Variants in LIPA observed in about 807,000 individuals in gnomAD.
LIPA encodes the protein lipase A, lysosomal acid type.
Under a neutral mutation model 40.6 loss-of-function variants are expected in LIPA, and 26 were observed. The ratio of observed to expected loss-of-function variants is 0.64; its 90% CI spans 0.47 to 0.89. The LOEUF (loss-of-function observed/expected upper bound fraction) is 0.89. Among genes scored for constraint, LIPA ranks in the 40% least tolerant of loss-of-function variants. The pLI is 0.00. For missense variants in LIPA, 455 were observed against 479.6 expected (o/e 0.95, Z 0.48); for synonymous variants, 188 against 168.4 (o/e 1.12, Z -0.90).
At chr10:89,295,763 C>T (rs1013752792) in intron 1 of LIPA, among the ~76,000 whole-genome samples, 12 of 152,144 alleles carry the variant, frequency 7.9e-5, no homozygotes, top group South Asian at 2.1e-4. Context: ...TTTGTAGCAA[C>T]GAGGTTAGGC....
rs562452752 is a variant in LIPA at position 89,289,818 on chromosome 10, A to G, written c.-1-42169T>C. On this transcript the variant is annotated intron_variant, in intron 1 of 5. Coordinates refer to the LIPA transcript ENST00000282673. The stretch of plus-strand genomic sequence containing the variant: ...ATTCTTTACTTTTACACTTACTCTT[A>G]TTCTCGTTCCCATTCTTAGGCCACC... Among the ~76,000 whole-genome samples, 82 of 152,166 alleles carry G rather than the reference A, an allele frequency of 5.4e-4. 2 individuals carry two copies. The highest frequency in any genetic ancestry group is 2.9e-5 in the Non-Finnish European group (2 of 67,998).
At chr10:89,378,738 C>A (rs975653542) in intron 2 of LIPA, among the ~76,000 whole-genome samples, 1 of 152,130 alleles carries the variant, frequency 6.6e-6, no homozygotes, top group African/African-American at 2.4e-5. Context: ...TTCAGAGGGG[C>A]AAGATGAGAA....
chr10:89,365,798 C>T (rs1183952133), intron 2 of LIPA, among the ~76,000 whole-genome samples: 1 of 152,110 alleles, frequency 6.6e-6, no homozygotes, highest in Non-Finnish European at 1.5e-5. Context: ...CTGTTCTGTT[C>T]CATTGGTGTA....
intron 1 of LIPA, among the ~76,000 whole-genome samples, chr10:89,297,569 G>A (rs1321982298): frequency 1.3e-5 from 2 of 152,126 alleles, no homozygotes; most frequent in Non-Finnish European, 2.9e-5. Flanking sequence ...TACTCCCCAG[G>A]GAAAGAATGG....
chr10:89,373,373 A>G (rs1458135908), intron 2 of LIPA, among the ~76,000 whole-genome samples: 6 of 148,428 alleles, frequency 4.0e-5, no homozygotes, highest in African/African-American at 1.5e-4. Flanking sequence ...AACACGTGGG[A>G]GTCAGCCAGA....
exon 2 of LIPA, chr10:89,412,850 A>G: frequency 2.8e-6 from 1 of 361,436 alleles, no homozygotes; most frequent in Non-Finnish European, 5.5e-6. Context: ...CAGACACGCC[A>G]TCTTTAACAA....
chr10:89,343,616 C>T (rs937630223), upstream of LIPA, among the ~76,000 whole-genome samples: 2 of 152,106 alleles, frequency 1.3e-5, no homozygotes, highest in East Asian at 1.9e-4. Flanking sequence ...CTCAGCACAC[C>T]GAGGCGCTAT....
chr10:89,386,973 GA>G (rs1844214781), intron 2 of LIPA, among the ~76,000 whole-genome samples: 2 of 49,574 alleles, frequency 4.0e-5, no homozygotes, highest in South Asian at 1.3e-3. Context: ...GTGTGTGTGT[GA>G]GAGAGAGAGA....
chr10:89,231,355 C>T (rs1842839850), intron 3 of LIPA, among the ~76,000 whole-genome samples: 1 of 152,180 alleles, frequency 6.6e-6, no homozygotes, highest in Admixed American at 6.5e-5. Context: ...CTCCGGAAGG[C>T]ACTGCTCACA....
chr10:89,306,645 G>A (rs772185964), intron 1 of LIPA: 3 of 1,614,126 alleles, frequency 1.9e-6, no homozygotes, highest in Non-Finnish European at 2.5e-6. Flanking sequence ...GAAGAGGAAG[G>A]TGAAGGAGAG....
At chr10:89,360,125 T>C (rs1844013495) in intron 2 of LIPA, among the ~76,000 whole-genome samples, 1 of 152,182 alleles carries the variant, frequency 6.6e-6, no homozygotes, top group African/African-American at 2.4e-5. Flanking sequence ...TCATAAAACA[T>C]ATGAGAATGA....
chr10:89,300,709 G>A lies in LIPA; in HGVS notation c.-2+41902C>T, dbSNP rs370884710. Among the ~76,000 whole-genome samples the A allele has an allele frequency of 7.2e-5, 11 of 152,262 alleles. No homozygotes were observed. The South Asian group carries it at 1.5e-3, about 20-fold the overall frequency. ...GCCAACATTGAAATTTCCCCTGGCC[G>A]GGCGTGGTGGCTCACGCCTGTAATC... is the stretch of plus-strand genomic sequence containing the variant. On this transcript the variant is annotated intron_variant, in intron 1 of 5. Transcript: ENST00000282673.
intron 1 of LIPA, among the ~76,000 whole-genome samples, chr10:89,331,764 T>C (rs1843654081): frequency 1.4e-5 from 2 of 143,652 alleles, no homozygotes; most frequent in Admixed American, 7.4e-5. Flanking sequence ...GAGGCTGAGA[T>C]GGGAGGATCG....
Position 89,225,226 on chromosome 10 carries a change from A to C in LIPA, c.541T>G (p.Phe181Val). 6.2e-7 allele frequency: 1 copy of C among 1,614,142 alleles called. No homozygotes were observed. Among genetic ancestry groups the C allele is most frequent in the Non-Finnish European group, 8.5e-7 (1 of 1,179,998 alleles). ...VGHSQGTTIG[F>V]IAFSQIPELA... ...TCAGGGATCTGTGAAAATGCTATAAAACCTGTGAGAACAAAGGACAGAAAA... is the reference window on the plus strand; with the variant it reads ...TCAGGGATCTGTGAAAATGCTATAACACCTGTGAGAACAAAGGACAGAAAA... The change falls in exon 6 of 10, where the codon TTT (phenylalanine) becomes GTT (valine). Residue 181 changes from phenylalanine (F) to valine (V), a missense_variant and splice_region_variant. By Grantham distance (50) the Phe-to-Val change is conservative (BLOSUM62 -1). Transcript: ENST00000336233.
chr10:89,286,318 C>T (rs1843340741), intron 1 of LIPA, among the ~76,000 whole-genome samples: 1 of 152,026 alleles, frequency 6.6e-6, no homozygotes, highest in African/African-American at 2.4e-5. Context: ...ACCCATCTGA[C>T]CTCTCCCCTC....
At chr10:89,249,532 T>C (rs1843083968) in intron 1 of LIPA, among the ~76,000 whole-genome samples, 3 of 152,106 alleles carry the variant, frequency 2.0e-5, no homozygotes, top group Admixed American at 2.0e-4. Context: ...ATTGGATAAA[T>C]TATGGTATAT....
chr10:89,294,377 G>A (rs1297324810), intron 1 of LIPA, among the ~76,000 whole-genome samples: 3 of 152,202 alleles, frequency 2.0e-5, no homozygotes, highest in Non-Finnish European at 4.4e-5. Context: ...GAAAGTCCAA[G>A]ATCAAGGGGC....
chr10:89,306,763 G>T, intron 1 of LIPA: 1 of 1,614,114 alleles, frequency 6.2e-7, no homozygotes, highest in Non-Finnish European at 8.5e-7. Context: ...CGATTGAACT[G>T]CTTAAAAAGG....
upstream of LIPA, among the ~76,000 whole-genome samples, chr10:89,256,729 A>G (rs553267484): frequency 4.6e-5 from 7 of 152,364 alleles, no homozygotes; most frequent in Admixed American, 1.3e-4. Flanking sequence ...TCACAAAAGT[A>G]AAAAGTGATG....
Sources: allele counts gnomAD v4.1 joint callset (sites outside exome capture counted in the v4.1 genomes callset), GRCh38; gene constraint gnomAD v4.1.1; transcripts MANE v1.5; gene names NCBI Gene and HGNC (gene_info 2026-07-23, HGNC 2026-07-21).